SRPRB: variants seen among roughly 807,000 people sequenced by gnomAD.
SRPRB encodes signal recognition particle receptor subunit beta.
A neutral mutation model predicts 31.9 loss-of-function variants in SRPRB; 20 were observed. That is an observed-to-expected ratio of 0.63 (90% CI 0.44 to 0.91). The LOEUF (loss-of-function observed/expected upper bound fraction) is 0.91, where lower values mean the gene tolerates loss of function less well. SRPRB is among the 40% of genes least tolerant of loss of function. SRPRB has a pLI of 0.00. For synonymous variants in SRPRB, 146 were observed against 132.8 expected (o/e 1.10, Z -0.68); for missense variants, 321 against 324.9 (o/e 0.99, Z 0.09).
chr3:133,793,321 G>A (rs917247008), intron 1 of SRPRB: 1 of 152,012 alleles, frequency 6.6e-6, no homozygotes, highest in Non-Finnish European at 1.5e-5. Flanking sequence ...ATTTCATAAT[G>A]TCAAGTGTTT....
Position 133,820,786 on chromosome 3 carries a change from G to C in SRPRB, c.*1020G>C, listed in dbSNP as rs1320769391. 1 of 152,194 alleles carries C rather than the reference G, an allele frequency of 6.6e-6. No individual in the cohort carries two copies. Among genetic ancestry groups the C allele is most frequent in the African/African-American group, 2.4e-5 (1 of 41,430 alleles). The allele number at this position is 152,194 out of a possible 1,614,324, so 9.4% of individuals were successfully genotyped here. On this transcript the variant is annotated 3_prime_UTR_variant, in exon 7 of 7. Transcript: ENST00000678299. ...CTGGCTCAAAGCAATTAAATAGAAT[G>C]TAATGGTGAGTACAAATGAGTGCAC... is the stretch of plus-strand genomic sequence containing the variant.
chr3:133,814,085 T>C (rs551107930), intron 4 of SRPRB, among the ~76,000 whole-genome samples: 18 of 152,294 alleles, frequency 1.2e-4, no homozygotes, highest in Middle Eastern at 3.4e-3. Flanking sequence ...CCATTGCATG[T>C]CTCTTATCTC....
At chr3:133,828,037 C>T (rs1293784124), downstream of SRPRB, 1 of 701,678 alleles carries the variant, frequency 1.4e-6, no homozygotes, top group Non-Finnish European at 2.6e-6. Context: ...GCACAGAGAA[C>T]ACAAGGTTGC....
downstream of SRPRB, chr3:133,824,634 A>G (rs1935528081): frequency 6.6e-6 from 1 of 152,220 alleles, no homozygotes; most frequent in Non-Finnish European, 1.5e-5. Context: ...ATGTCAAACA[A>G]AAATTCAAAG....
upstream of SRPRB, among the ~76,000 whole-genome samples, chr3:133,800,894 C>T (rs998418294): frequency 3.3e-5 from 5 of 152,088 alleles, no homozygotes; most frequent in Non-Finnish European, 5.9e-5. Context: ...ATAACGTGTT[C>T]GTTTGTATTT....
In SRPRB at chr3:133,820,059, T is replaced by C; in HGVS notation, c.*293T>C. On this transcript the variant is annotated 3_prime_UTR_variant, in exon 7 of 7. Coordinates refer to ENST00000678299, the MANE Select transcript of SRPRB (RefSeq NM_001379313.1). ...AAGGTTTTTGTGACAACAGGCAGACTCCACACAGAGAGGATATGATGAGAA... is the reference window on the plus strand; with the variant it reads ...AAGGTTTTTGTGACAACAGGCAGACCCCACACAGAGAGGATATGATGAGAA... 2.8e-6 allele frequency: 1 copy of C among 361,612 alleles called. No individual in the cohort carries two copies. Among genetic ancestry groups the C allele is most frequent in the Middle Eastern group, 8.2e-4 (1 of 1,222 alleles). The allele number at this position is 361,612 out of a possible 1,614,324, so 22.4% of individuals were successfully genotyped here. A position where few individuals can be genotyped will look rare whatever the true frequency, so the allele number is the denominator to read the frequency against.
Position 133,819,628 on chromosome 3 carries a change from G to A in SRPRB, c.678G>A (p.Gly226=). The A allele has an allele frequency of 6.2e-7, 1 of 1,614,228 alleles. No individual in the cohort carries two copies. The highest frequency in any genetic ancestry group is 8.5e-7 in the Non-Finnish European group (1 of 1,180,042). Residue 226 remains glycine, a synonymous_variant, in exon 7 of 7, where the codon GGG becomes GGA. Transcript: ENST00000678299. ...CCAGCACTGCCCCTGCTCAGCTGGGGAAGAAAGGCAAAGAGTTTGAATTCT... is the reference window on the plus strand; with the variant it reads ...CCAGCACTGCCCCTGCTCAGCTGGGAAAGAAAGGCAAAGAGTTTGAATTCT... ...DSSSTAPAQL[G]KKGKEFEFSQ...
upstream of SRPRB, among the ~76,000 whole-genome samples, chr3:133,802,496 C>G (rs1935077002): frequency 6.6e-6 from 1 of 152,200 alleles, no homozygotes; most frequent in African/African-American, 2.4e-5. Context: ...ACTGTCTTCC[C>G]CATACACCAT....
chr3:133,809,717 A>G (rs1379018250), intron 3 of SRPRB, among the ~76,000 whole-genome samples: 3 of 152,224 alleles, frequency 2.0e-5, no homozygotes, highest in Non-Finnish European at 4.4e-5. Context: ...GCATGCTGTA[A>G]GTGTGAAGTA....
intron 1 of SRPRB, among the ~76,000 whole-genome samples, chr3:133,797,879 C>T (rs1050958017): frequency 6.6e-6 from 1 of 152,008 alleles, no homozygotes. Flanking sequence ...TGTTAATCCA[C>T]CCCTTGGAGC....
intron 1 of SRPRB, chr3:133,784,291 G>A (rs993531929): frequency 5.9e-5 from 9 of 152,066 alleles, no homozygotes; most frequent in Non-Finnish European, 1.2e-4. Flanking sequence ...CACCCTTTAG[G>A]AAGATTACTG....
chr3:133,786,903 A>G (rs901442883), intron 1 of SRPRB: 1 of 152,278 alleles, frequency 6.6e-6, no homozygotes, highest in Non-Finnish European at 1.5e-5. Flanking sequence ...GTAGTAAAAT[A>G]TCACCTTGTA....
chr3:133,811,510 G>GA (rs1935261636), intron 4 of SRPRB, among the ~76,000 whole-genome samples: 1 of 151,690 alleles, frequency 6.6e-6, no homozygotes, highest in Admixed American at 6.6e-5. Flanking sequence ...ATTAAAATCT[G>GA]AAAAAAGAAT....
chr3:133,800,339 T>C (rs1210976198), intron 1 of SRPRB, among the ~76,000 whole-genome samples: 1 of 152,246 alleles, frequency 6.6e-6, no homozygotes, highest in Non-Finnish European at 1.5e-5. Context: ...CAATGTATGC[T>C]GTGGGACTGT....
chr3:133,801,418 G>C (rs1935059852), upstream of SRPRB, among the ~76,000 whole-genome samples: 1 of 152,154 alleles, frequency 6.6e-6, no homozygotes, highest in African/African-American at 2.4e-5. Context: ...CCTGAGAATG[G>C]GAGTGCTAAC....
intron 4 of SRPRB, among the ~76,000 whole-genome samples, chr3:133,813,723 G>A (rs151130078): frequency 6.6e-6 from 1 of 152,188 alleles, no homozygotes; most frequent in East Asian, 1.9e-4. Context: ...ATTTTATTCT[G>A]TGCCTTGTAA....
At chr3:133,801,937 CT>C, upstream of SRPRB, among the ~76,000 whole-genome samples, 1 of 152,280 alleles carries the variant, frequency 6.6e-6, no homozygotes, top group Admixed American at 6.5e-5. Flanking sequence ...TTAAAAATGC[CT>C]TGAAAATGAA....
chr3:133,797,510 A>G (rs754046551), intron 1 of SRPRB, among the ~76,000 whole-genome samples: 1 of 152,264 alleles, frequency 6.6e-6, no homozygotes, highest in Non-Finnish European at 1.5e-5. Context: ...TGCACAATAT[A>G]GATTAAAAAT....
chr3:133,809,776 C>T (rs1935225459), intron 3 of SRPRB, among the ~76,000 whole-genome samples: 1 of 152,048 alleles, frequency 6.6e-6, no homozygotes. Context: ...CGTAAAGTAT[C>T]ATTAATAATT....
Sources: gnomAD v4.1 joint callset for allele counts (sites outside exome capture counted in the v4.1 genomes callset) on GRCh38, gnomAD v4.1.1 for gene constraint, MANE v1.5 for transcripts, NCBI Gene and HGNC (gene_info 2026-07-23, HGNC 2026-07-21) for gene names.